MIS18A: variants seen among roughly 807,000 people sequenced by gnomAD.
MIS18A encodes protein Mis18-alpha.
MIS18A carries 14 observed loss-of-function variants against 25.0 expected under a neutral mutation model. The observed-to-expected ratio is 0.56, with a 90% CI of 0.37 to 0.88. The LOEUF is 0.88. Among genes scored for constraint, MIS18A ranks in the 40% least tolerant of loss-of-function variants. The pLI, the probability that MIS18A is intolerant of heterozygous loss-of-function variation, is 0.00. For synonymous variants in MIS18A, 134 were observed against 118.6 expected (o/e 1.13, Z -0.84); for missense variants, 292 against 290.8 (o/e 1.00, Z -0.03).
the MIS18A span, among the ~76,000 whole-genome samples, chr21:32,177,380 A>C: frequency 1.3e-5 from 2 of 152,164 alleles, no homozygotes; most frequent in African/African-American, 4.8e-5. Flanking sequence ...AAAACTTTCC[A>C]TCTGAGATCA....
the MIS18A span, among the ~76,000 whole-genome samples, chr21:32,243,838 T>C: frequency 4.6e-5 from 7 of 152,044 alleles, no homozygotes; most frequent in Admixed American, 3.9e-4. Flanking sequence ...GCTAACATGA[T>C]GAAACCCTGT....
intron 2 of MIS18A, among the ~76,000 whole-genome samples, chr21:32,273,488 G>A (rs2031751644): frequency 1.3e-5 from 2 of 152,242 alleles, no homozygotes; most frequent in South Asian, 4.1e-4. Flanking sequence ...TCACTCCAGA[G>A]ATTCCAAGCA....
chr21:32,155,738 C>A, the MIS18A span, among the ~76,000 whole-genome samples: 3 of 152,040 alleles, frequency 2.0e-5, no homozygotes, highest in Admixed American at 2.0e-4. Context: ...TTTTTTGCTG[C>A]CTTTTTTATT....
the MIS18A span, among the ~76,000 whole-genome samples, chr21:32,167,134 C>T: frequency 1.3e-5 from 2 of 152,202 alleles, no homozygotes; most frequent in East Asian, 1.9e-4. Flanking sequence ...TGACTTTTCT[C>T]AATCCCTGAC....
At chr21:32,252,230 AAGAAGAAGAAGGAGG>A in the MIS18A span, among the ~76,000 whole-genome samples, 1,187 of 92,200 alleles carry the variant, frequency 0.013, 24 homozygotes, top group East Asian at 0.097. Context: ...GAAGAAGAAG[AAGAAGAAGAAGGAGG>A]AGGAGGAGGA....
chr21:32,199,261 C>G, the MIS18A span, among the ~76,000 whole-genome samples: 1 of 152,028 alleles, frequency 6.6e-6, no homozygotes, highest in Admixed American at 6.6e-5. Flanking sequence ...GACAGGAGCC[C>G]TGATTTATAC....
chr21:32,274,756 C>T (rs1380377286), intron 2 of MIS18A, 74 bp downstream of exon 2: 3 of 1,130,778 alleles, frequency 2.7e-6, no homozygotes, highest in African/African-American at 3.2e-5. Context: ...AATCTTACTA[C>T]TAGTAATGAC....
At chr21:32,213,214 G>T in the MIS18A span, among the ~76,000 whole-genome samples, 3 of 152,090 alleles carry the variant, frequency 2.0e-5, no homozygotes. Context: ...TAACATTACC[G>T]AGATATTCAC....
chr21:32,219,742 C>T, the MIS18A span, among the ~76,000 whole-genome samples: 1 of 152,176 alleles, frequency 6.6e-6, no homozygotes, highest in South Asian at 2.1e-4. Context: ...ATCCTCTCTG[C>T]CAGCACAGCA....
At chr21:32,255,061 A>T in the MIS18A span, among the ~76,000 whole-genome samples, 8 of 152,206 alleles carry the variant, frequency 5.3e-5, no homozygotes, top group Admixed American at 4.6e-4. Flanking sequence ...TGTCCTTTTT[A>T]TAATTATATG....
chr21:32,242,169 C>G, the MIS18A span, among the ~76,000 whole-genome samples: 1 of 152,226 alleles, frequency 6.6e-6, no homozygotes, highest in Non-Finnish European at 1.5e-5. Context: ...CGCGAGCCAT[C>G]GCGCCCGGCC....
At chr21:32,252,465 A>G in the MIS18A span, among the ~76,000 whole-genome samples, 1 of 152,116 alleles carries the variant, frequency 6.6e-6, no homozygotes, top group South Asian at 2.1e-4. Context: ...AAAGAAGAAG[A>G]CATGTATGTA....
the MIS18A span, among the ~76,000 whole-genome samples, chr21:32,196,991 T>C: frequency 9.9e-5 from 15 of 152,144 alleles, no homozygotes; most frequent in African/African-American, 2.9e-4. Context: ...TTTTTCCCAA[T>C]GTACAAGCCT....
chr21:32,213,781 T>TG, the MIS18A span, among the ~76,000 whole-genome samples: 1 of 152,310 alleles, frequency 6.6e-6, no homozygotes, highest in African/African-American at 2.4e-5. Context: ...CTGGAATCTC[T>TG]ATGGGACAAG....
chr21:32,201,062 T>C, the MIS18A span, among the ~76,000 whole-genome samples: 1 of 152,180 alleles, frequency 6.6e-6, no homozygotes, highest in Non-Finnish European at 1.5e-5. Flanking sequence ...CGCCAGCATC[T>C]GCTCCTGGTG....
the MIS18A span, among the ~76,000 whole-genome samples, chr21:32,193,472 A>ATAGATAGG: frequency 9.3e-6 from 1 of 107,718 alleles, no homozygotes; most frequent in African/African-American, 3.1e-5. Flanking sequence ...TTGATGATAG[A>ATAGATAGG]TAGATAGGTA....
the MIS18A span, among the ~76,000 whole-genome samples, chr21:32,222,520 A>G: frequency 1.3e-5 from 2 of 152,220 alleles, no homozygotes; most frequent in Non-Finnish European, 2.9e-5. Context: ...CACTTACTCT[A>G]CAATTAACCA....
the MIS18A span, among the ~76,000 whole-genome samples, chr21:32,171,915 A>T: frequency 1.4e-4 from 21 of 151,932 alleles, no homozygotes; most frequent in African/African-American, 4.6e-4. Flanking sequence ...GAAGGACAAG[A>T]CTCCCCTATA....
the MIS18A span, among the ~76,000 whole-genome samples, chr21:32,188,678 G>C: frequency 6.6e-6 from 1 of 152,170 alleles, no homozygotes; most frequent in East Asian, 1.9e-4. Flanking sequence ...CTGGTGTGGA[G>C]AGAAATACAT....
Sources: gnomAD v4.1 joint callset for allele counts (sites outside exome capture counted in the v4.1 genomes callset) on GRCh38, gnomAD v4.1.1 for gene constraint, MANE v1.5 for transcripts, NCBI Gene and HGNC (gene_info 2026-07-23, HGNC 2026-07-21) for gene names.